ST6GAL1: variants seen among roughly 807,000 people sequenced by gnomAD.
ST6GAL1 encodes the protein ST6 beta-galactoside alpha-2,6-sialyltransferase 1, also known as beta-galactoside alpha-2,6-sialyltransferase 1.
A neutral mutation model predicts 38.0 loss-of-function variants in ST6GAL1; 20 were observed. The observed-to-expected ratio is 0.53, with a 90% CI of 0.37 to 0.77. ST6GAL1 has a LOEUF of 0.77. ST6GAL1 is among the 30% of genes least tolerant of loss of function. The pLI is 0.00. For synonymous variants in ST6GAL1, 196 were observed against 188.2 expected (o/e 1.04, Z -0.34); for missense variants, 432 against 496.4 (o/e 0.87, Z 1.23).
In ST6GAL1 at chr3:186,952,178, C is replaced by T. The variant is rs971893586; in HGVS notation, c.-324-11607C>T. 3.3e-5 allele frequency among the ~76,000 whole-genome samples: 5 copies of T among 152,076 alleles called. No homozygotes were observed. Among genetic ancestry groups the T allele is most frequent in the African/African-American group, 1.2e-4 (5 of 41,414 alleles). On this transcript the variant is annotated intron_variant, in intron 1 of 7. Transcript: ENST00000169298. The surrounding 1 kb of genome is among the most constrained non-coding windows in gnomAD (Gnocchi z 4.1). ...GAGGGGGTGTGCCAATTTTTATGCT[C>T]CTGGAGAGAGTTGTCTGCATTTGCA... is the stretch of plus-strand genomic sequence containing the variant.
At chr3:186,984,809 T>G (rs55679239) in intron 2 of ST6GAL1, among the ~76,000 whole-genome samples, 1 of 37,926 alleles carries the variant, frequency 2.6e-5, no homozygotes, top group Non-Finnish European at 5.4e-5. Flanking sequence ...CCTTCCATCC[T>G]TCCTTCCTTC....
At chr3:186,988,281 T>C (rs1159896553) in intron 2 of ST6GAL1, among the ~76,000 whole-genome samples, 3 of 152,134 alleles carry the variant, frequency 2.0e-5, no homozygotes, top group Admixed American at 1.3e-4. Context: ...TGGAAGTGTC[T>C]CTAACGGGTG....
chr3:186,956,602 C>G (rs901995070), intron 1 of ST6GAL1, among the ~76,000 whole-genome samples: 2 of 152,204 alleles, frequency 1.3e-5, no homozygotes, highest in Non-Finnish European at 2.9e-5. Context: ...ATACTAGAGT[C>G]AAATTCTGCT....
At chr3:186,962,598 C>T (rs893597735) in intron 1 of ST6GAL1, among the ~76,000 whole-genome samples, 1 of 152,084 alleles carries the variant, frequency 6.6e-6, no homozygotes, top group African/African-American at 2.4e-5. Flanking sequence ...TACCAGTAGT[C>T]CTGAAGGTAG....
At chr3:186,981,914 T>C (rs1007676162) in intron 2 of ST6GAL1, among the ~76,000 whole-genome samples, 1 of 152,226 alleles carries the variant, frequency 6.6e-6, no homozygotes, top group Non-Finnish European at 1.5e-5. Flanking sequence ...TTAGAATCCA[T>C]AATAATAGCT....
intron 1 of ST6GAL1, among the ~76,000 whole-genome samples, chr3:186,963,282 T>G (rs1198947306): frequency 6.6e-6 from 1 of 152,194 alleles, no homozygotes; most frequent in Non-Finnish European, 1.5e-5. Flanking sequence ...TGGAGTGCAG[T>G]GGCACGATCT....
At chr3:186,995,237 G>A (rs1429682205) in intron 2 of ST6GAL1, among the ~76,000 whole-genome samples, 1 of 151,988 alleles carries the variant, frequency 6.6e-6, no homozygotes, top group East Asian at 1.9e-4. Flanking sequence ...GGCCAGGCAT[G>A]GTGGCTCACG....
intron 1 of ST6GAL1, among the ~76,000 whole-genome samples, chr3:186,944,808 C>T (rs531649242): frequency 7.9e-5 from 12 of 152,196 alleles, no homozygotes; most frequent in African/African-American, 1.4e-4. Flanking sequence ...AGGCACTCGT[C>T]GCTTTTGCTC....
chr3:186,960,941 T>C (rs1247459466), intron 1 of ST6GAL1, among the ~76,000 whole-genome samples: 1 of 151,088 alleles, frequency 6.6e-6, no homozygotes, highest in Non-Finnish European at 1.5e-5. Flanking sequence ...TCTCCTTCCA[T>C]AGAGTCCCTG....
intron 1 of ST6GAL1, among the ~76,000 whole-genome samples, chr3:186,939,253 T>A (rs562187069): frequency 3.3e-5 from 5 of 151,994 alleles, no homozygotes; most frequent in Non-Finnish European, 5.9e-5. Context: ...TTATTTATTT[T>A]TTTTGTAGAG....
chr3:187,015,211 C>T (rs1250113895), intron 2 of ST6GAL1, among the ~76,000 whole-genome samples: 5 of 152,104 alleles, frequency 3.3e-5, no homozygotes, highest in African/African-American at 7.2e-5. Context: ...AGGGACTGGC[C>T]CCTGTGTGCT....
At chr3:187,025,013 G>C (rs75338500) in intron 2 of ST6GAL1, among the ~76,000 whole-genome samples, 2 of 151,400 alleles carry the variant, frequency 1.3e-5, no homozygotes, top group South Asian at 2.1e-4. Flanking sequence ...GTGTGTGTGT[G>C]TGTGTGTCTG....
intron 1 of ST6GAL1, among the ~76,000 whole-genome samples, chr3:186,954,537 T>C (rs1298517260): frequency 6.6e-6 from 1 of 152,252 alleles, no homozygotes; most frequent in Non-Finnish European, 1.5e-5. Flanking sequence ...TGGCATGAGA[T>C]AGTATCTTTT....
chr3:186,983,211 G>A (rs1427040350), intron 2 of ST6GAL1, among the ~76,000 whole-genome samples: 1 of 152,086 alleles, frequency 6.6e-6, no homozygotes, highest in African/African-American at 2.4e-5. Flanking sequence ...CACGGTTTGG[G>A]CACTGGACAT....
At chr3:186,977,656 G>A (rs989877668) in intron 2 of ST6GAL1, among the ~76,000 whole-genome samples, 16 of 152,156 alleles carry the variant, frequency 1.1e-4, no homozygotes, top group African/African-American at 2.4e-4. Context: ...AGACACAGCC[G>A]TCCTCTGAGC....
At chr3:187,073,583 C>CT (rs1179281767) in intron 6 of ST6GAL1, 1 of 153,208 alleles carries the variant, frequency 6.5e-6, no homozygotes, top group African/African-American at 2.4e-5. Context: ...CAGTTGACCT[C>CT]TCCCTGATGC....
chr3:187,023,611 C>A (rs1717407231), intron 2 of ST6GAL1, among the ~76,000 whole-genome samples: 1 of 152,160 alleles, frequency 6.6e-6, no homozygotes, highest in Admixed American at 6.5e-5. Context: ...TGGAAACTAT[C>A]ATTCTCAGCA....
intron 1 of ST6GAL1, among the ~76,000 whole-genome samples, chr3:186,961,268 GC>G (rs1003019500): frequency 6.6e-6 from 1 of 152,106 alleles, no homozygotes; most frequent in Non-Finnish European, 1.5e-5. Flanking sequence ...GAGCCACTGC[GC>G]CCGGCCCCAT....
At chr3:187,042,586 C>T (rs536085442) in intron 3 of ST6GAL1, 68 bp from the exon 4 acceptor site, 148 of 1,409,950 alleles carry the variant, frequency 1.0e-4, no homozygotes, top group Admixed American at 1.6e-4. Context: ...CTCAGTCCAT[C>T]GCTCCGCCTC....
Sources: gnomAD v4.1 joint callset for allele counts (sites outside exome capture counted in the v4.1 genomes callset) on GRCh38, gnomAD v4.1.1 for gene constraint, Gnocchi (gnomAD v3.1) non-coding constraint, MANE v1.5 for transcripts, NCBI Gene and HGNC (gene_info 2026-07-23, HGNC 2026-07-21) for gene names.